PRDM16: variants seen among roughly 807,000 people sequenced by gnomAD.
PRDM16 encodes the protein histone-lysine N-methyltransferase PRDM16.
Under a neutral mutation model 110.6 loss-of-function variants are expected in PRDM16, and 23 were observed. The ratio of observed to expected loss-of-function variants is 0.21; its 90% CI spans 0.15 to 0.29. The LOEUF (loss-of-function observed/expected upper bound fraction) is 0.29. PRDM16 is among the 10% of genes least tolerant of loss of function. PRDM16 has a pLI of 1.00. For synonymous variants in PRDM16, 799 were observed against 781.8 expected (o/e 1.02, Z -0.37); for missense variants, 1,615 against 1,794.3 (o/e 0.90, Z 1.81).
At chr1:3,223,764 A>C (rs1337602985) in intron 2 of PRDM16, among the ~76,000 whole-genome samples, 2 of 152,030 alleles carry the variant, frequency 1.3e-5, no homozygotes, top group Non-Finnish European at 2.9e-5. Context: ...CAGCCCCCGG[A>C]ATGGAGGGGG....
chr1:3,179,790 C>T (rs544561548), intron 1 of PRDM16, among the ~76,000 whole-genome samples: 12 of 152,304 alleles, frequency 7.9e-5, no homozygotes, highest in Non-Finnish European at 1.2e-4. Flanking sequence ...CAAGGTGATC[C>T]GGCCCCGAGT....
chr1:3,338,701 C>T (rs1295034468), intron 3 of PRDM16, among the ~76,000 whole-genome samples: 2 of 152,098 alleles, frequency 1.3e-5, no homozygotes, highest in African/African-American at 2.4e-5. Flanking sequence ...GCTCCTGGAA[C>T]CCAGGGGCTT....
intron 3 of PRDM16, among the ~76,000 whole-genome samples, chr1:3,271,384 C>T (rs1168519411): frequency 2.0e-5 from 3 of 152,180 alleles, no homozygotes; most frequent in Admixed American, 1.3e-4. Flanking sequence ...CAGTGGGGAA[C>T]AGTGACTAAG....
intron 3 of PRDM16, among the ~76,000 whole-genome samples, chr1:3,319,660 G>C (rs550704613): frequency 1.2e-3 from 180 of 152,242 alleles, no homozygotes; most frequent in South Asian, 0.011. Context: ...CCCTTTGCTG[G>C]CTGCTTGGGG....
intron 1 of PRDM16, among the ~76,000 whole-genome samples, chr1:3,176,318 T>TAACCCATCCATGCA (rs1644089319): frequency 9.6e-6 from 1 of 103,668 alleles, no homozygotes; most frequent in African/African-American, 4.4e-5. Flanking sequence ...ATCCATCTAT[T>TAACCCATCCATGCA]CTTCCATCCA....
chr1:3,318,023 C>A (rs1229644994), intron 3 of PRDM16, among the ~76,000 whole-genome samples: 1 of 152,244 alleles, frequency 6.6e-6, no homozygotes, highest in African/African-American at 2.4e-5. Flanking sequence ...AAGGAAGCCA[C>A]CCACGGCGGC....
rs919733086 is a variant in PRDM16 at position 3,209,503 on chromosome 1, G to A, written c.387+23029G>A. Among the ~76,000 whole-genome samples, 15 of 152,208 alleles carry A rather than the reference G, an allele frequency of 9.9e-5. No homozygotes were observed. The highest frequency in any genetic ancestry group is 3.6e-4 in the African/African-American group (15 of 41,460). On this transcript the variant is annotated intron_variant, in intron 2 of 16. Transcript: ENST00000270722. This position sits in a 1 kb window ranked among gnomAD's most constrained non-coding sequence, Gnocchi z 4.6. ...CAGGGAGGCAGGAGGCCAGGCCTGG[G>A]TGTGGAATAGGCCTCGCTGGGAGGC...
chr1:3,414,182 C>T (rs967585304), intron 9 of PRDM16, among the ~76,000 whole-genome samples: 2 of 152,188 alleles, frequency 1.3e-5, no homozygotes, highest in African/African-American at 2.4e-5. Flanking sequence ...CCGGGGTGCA[C>T]GGGGCCTTCA....
intron 2 of PRDM16, among the ~76,000 whole-genome samples, chr1:3,219,272 C>T (rs1300410164): frequency 6.6e-6 from 1 of 152,226 alleles, no homozygotes; most frequent in Non-Finnish European, 1.5e-5. Context: ...TCTCAATCTG[C>T]GGAGTGTCAG....
intron 3 of PRDM16, among the ~76,000 whole-genome samples, chr1:3,280,871 G>A (rs2100325356): frequency 6.6e-6 from 1 of 152,354 alleles, no homozygotes; most frequent in East Asian, 1.9e-4. Flanking sequence ...GGCAGGGGCA[G>A]GGAAATTTGG....
chr1:3,325,534 G>T (rs1641869263), intron 3 of PRDM16, among the ~76,000 whole-genome samples: 1 of 152,232 alleles, frequency 6.6e-6, no homozygotes, highest in Non-Finnish European at 1.5e-5. Flanking sequence ...GCCCTGGGCG[G>T]CTCTCAGGGA....
chr1:3,370,882 C>T lies in PRDM16; in HGVS notation c.439-14270C>T. ...CATCCATTAATTATCCATCCACCCA[C>T]CCATCCACCATCCATTCATCCATCC... On this transcript the variant is annotated intron_variant, in intron 3 of 16. Transcript: ENST00000270722. The surrounding 1 kb of genome is among the most constrained non-coding windows in gnomAD (Gnocchi z 4.8). Among the ~76,000 whole-genome samples the T allele has an allele frequency of 6.6e-6, 1 of 150,618 alleles. No individual in the cohort carries two copies. Among genetic ancestry groups the T allele is most frequent in the East Asian group, 2.0e-4 (1 of 5,034 alleles).
chr1:3,160,692 T>C (rs1409322555), intron 1 of PRDM16, among the ~76,000 whole-genome samples: 1 of 152,204 alleles, frequency 6.6e-6, no homozygotes, highest in African/African-American at 2.4e-5. Context: ...ATCAAGACCC[T>C]GATGATGACG....
At chr1:3,192,293 G>C (rs1193226974) in intron 2 of PRDM16, among the ~76,000 whole-genome samples, 1 of 152,186 alleles carries the variant, frequency 6.6e-6, no homozygotes, top group African/African-American at 2.4e-5. Flanking sequence ...GGGGCATGCG[G>C]GTTGGGTGCC....
intron 1 of PRDM16, among the ~76,000 whole-genome samples, chr1:3,164,919 T>C (rs971156324): frequency 3.4e-4 from 52 of 152,328 alleles, no homozygotes; most frequent in African/African-American, 1.2e-3. Context: ...ATGTGCCCCG[T>C]GCTTGTTCCC....
intron 3 of PRDM16, among the ~76,000 whole-genome samples, chr1:3,375,239 C>T (rs1050976125): frequency 2.0e-5 from 3 of 152,224 alleles, no homozygotes; most frequent in Non-Finnish European, 4.4e-5. Context: ...CCAAGCCCTG[C>T]TGGTACTCCC....
At chr1:3,128,563 G>T (rs1162496106) in intron 1 of PRDM16, among the ~76,000 whole-genome samples, 1 of 152,180 alleles carries the variant, frequency 6.6e-6, no homozygotes, top group Non-Finnish European at 1.5e-5. Flanking sequence ...CTCAGGGCAT[G>T]AGGGCCGAGG....
At position 3,264,024 on chromosome 1, in the gene PRDM16, C is replaced by T. The variant is rs138547232; in HGVS notation, c.438+19887C>T. Among the ~76,000 whole-genome samples the T allele has an allele frequency of 2.3e-4, 35 of 152,286 alleles. No homozygotes were observed. In the East Asian group the frequency reaches 6.6e-3, roughly 29 times the overall value. Reference sequence around the variant, plus strand: ...TGCCCAAAGCTACTGTGCAGCTGAGCAGACTCCTGGCCATCTTCCACAAGC... The same window carrying T: ...TGCCCAAAGCTACTGTGCAGCTGAGTAGACTCCTGGCCATCTTCCACAAGC... On this transcript the variant is annotated intron_variant, in intron 3 of 16. Transcript: ENST00000270722.
chr1:3,213,206 A>G lies in PRDM16; in HGVS notation c.387+26732A>G, dbSNP rs1638939827. 6.6e-6 allele frequency among the ~76,000 whole-genome samples: 1 copy of G among 152,262 alleles called. No homozygotes were observed. Among genetic ancestry groups the G allele is most frequent in the Non-Finnish European group, 1.5e-5 (1 of 68,050 alleles). Reference sequence around the variant, plus strand: ...GATTTGGAGATCCCCAAATTAGCCAATAAACACCACCCATTCCGTGGTGAG... The same window carrying G: ...GATTTGGAGATCCCCAAATTAGCCAGTAAACACCACCCATTCCGTGGTGAG... On this transcript the variant is annotated intron_variant, in intron 2 of 16. Transcript: ENST00000270722. This position sits in a 1 kb window ranked among gnomAD's most constrained non-coding sequence, Gnocchi z 5.3.
Sources: gnomAD v4.1 joint callset for allele counts (sites outside exome capture counted in the v4.1 genomes callset) on GRCh38, gnomAD v4.1.1 for gene constraint, Gnocchi (gnomAD v3.1) non-coding constraint, MANE v1.5 for transcripts, NCBI Gene and HGNC (gene_info 2026-07-23, HGNC 2026-07-21) for gene names.